Variants in BMP6 observed in about 807,000 individuals in gnomAD.
BMP6 encodes bone morphogenetic protein 6.
A neutral mutation model predicts 54.1 loss-of-function variants in BMP6; 17 were observed. That is an observed-to-expected ratio of 0.31 (90% CI 0.22 to 0.47). The LOEUF (loss-of-function observed/expected upper bound fraction) is 0.47. Among genes scored for constraint, BMP6 ranks in the 20% least tolerant of loss-of-function variants. BMP6 has a pLI of 1.00. For synonymous variants in BMP6, 328 were observed against 291.2 expected (o/e 1.13, Z -1.28); for missense variants, 720 against 690.4 (o/e 1.04, Z -0.48).
chr6:7,810,907 G>C (rs893469178), intron 1 of BMP6, among the ~76,000 whole-genome samples: 5 of 152,150 alleles, frequency 3.3e-5, no homozygotes, highest in Non-Finnish European at 1.5e-5. Flanking sequence ...TGACAACAGT[G>C]GAGTCAGTTG....
chr6:7,803,977 T>C (rs1758310049), intron 1 of BMP6, among the ~76,000 whole-genome samples: 2 of 152,222 alleles, frequency 1.3e-5, no homozygotes, highest in African/African-American at 2.4e-5. Context: ...TAGGAGCACA[T>C]GGTCCCCCTT....
At chr6:7,843,307 G>A (rs1396406522) in intron 1 of BMP6, among the ~76,000 whole-genome samples, 1 of 151,566 alleles carries the variant, frequency 6.6e-6, no homozygotes, top group Non-Finnish European at 1.5e-5. Flanking sequence ...AATGTGTTGT[G>A]TAATTACATG....
chr6:7,726,813 G>C lies in BMP6; in HGVS notation c.-143G>C. The C allele has an allele frequency of 1.4e-5, 5 of 369,484 alleles. No individual in the cohort carries two copies. The highest frequency in any genetic ancestry group is 1.6e-5 in the Non-Finnish European group (4 of 255,820). 22.9% of individuals were successfully genotyped at this position (369,484 alleles called of 1,614,324 possible). On this transcript the variant is annotated 5_prime_UTR_variant, in exon 1 of 7. Transcript: ENST00000283147. ...CGCCCCGGACGACCATGAGAGATAAGGACTGAGGGCCAGGAAGGGGAAGCG... is the reference window on the plus strand; with the variant it reads ...CGCCCCGGACGACCATGAGAGATAACGACTGAGGGCCAGGAAGGGGAAGCG...
intron 1 of BMP6, among the ~76,000 whole-genome samples, chr6:7,836,812 C>T (rs1226934258): frequency 1.3e-5 from 2 of 152,168 alleles, no homozygotes; most frequent in East Asian, 1.9e-4. Context: ...AAGTTTAGCT[C>T]AGTCTTTGTA....
In BMP6 at chr6:7,772,970, G is replaced by A. The variant is rs78822548; in HGVS notation, c.664+45351G>A. On this transcript the variant is annotated intron_variant, in intron 1 of 6. Coordinates refer to ENST00000283147, the MANE Select transcript of BMP6 (RefSeq NM_001718.6). ...TTTGTCTTAATTGAGTTCATTAGGC[G>A]TTGATTTTAAAATGCAATTTTCTGA... Among the ~76,000 whole-genome samples, 1,312 of 152,242 alleles carry A rather than the reference G, an allele frequency of 8.6e-3. 5 individuals are homozygous for A. Among genetic ancestry groups the A allele is most frequent in the Middle Eastern group, 0.037 (11 of 294 alleles).
At chr6:7,795,143 C>T (rs1758173696) in intron 1 of BMP6, among the ~76,000 whole-genome samples, 1 of 152,174 alleles carries the variant, frequency 6.6e-6, no homozygotes, top group African/African-American at 2.4e-5. Flanking sequence ...CTGGGTTTTA[C>T]AGACATAAAG....
chr6:7,800,720 T>C (rs1203457192), intron 1 of BMP6, among the ~76,000 whole-genome samples: 2 of 152,244 alleles, frequency 1.3e-5, no homozygotes, highest in Non-Finnish European at 2.9e-5. Context: ...TATTTCCATA[T>C]GCAGGAGCAT....
intron 1 of BMP6, among the ~76,000 whole-genome samples, chr6:7,783,726 C>T (rs1027030493): frequency 2.6e-5 from 4 of 152,228 alleles, no homozygotes; most frequent in African/African-American, 9.6e-5. Flanking sequence ...GCCTGATGAC[C>T]TCAATACTCC....
chr6:7,764,952 A>G (rs1757664033), intron 1 of BMP6, among the ~76,000 whole-genome samples: 1 of 152,166 alleles, frequency 6.6e-6, no homozygotes, highest in South Asian at 2.1e-4. Flanking sequence ...CTTCATTTAT[A>G]TAATAGACAT....
chr6:7,834,277 C>T (rs182543709), intron 1 of BMP6, among the ~76,000 whole-genome samples: 3 of 143,330 alleles, frequency 2.1e-5, no homozygotes, highest in Non-Finnish European at 4.5e-5. Flanking sequence ...AATCAAAAAT[C>T]TTCAAACACA....
In BMP6 at chr6:7,726,856, C is replaced by G. The variant is rs1465006868; in HGVS notation, c.-100C>G. On this transcript the variant is annotated 5_prime_UTR_variant, in exon 1 of 7. Transcript: ENST00000283147. ...GGGAAGCGAGCCCGCCGAGAGGTGG[C>G]GGGGACTGCTCACGCCAAGGGCCAC... 9.9e-6 allele frequency: 7 copies of G among 707,818 alleles called. No individual in the cohort carries two copies. The highest frequency in any genetic ancestry group is 3.8e-5 in the African/African-American group (2 of 52,136). The allele number at this position is 707,818 out of a possible 1,614,324, so 43.8% of individuals were successfully genotyped here.
chr6:7,814,570 TAAC>T (rs1460234527), intron 1 of BMP6, among the ~76,000 whole-genome samples: 1 of 152,220 alleles, frequency 6.6e-6, no homozygotes, highest in African/African-American at 2.4e-5. Context: ...TCTTCACTAA[TAAC>T]TGTAGGAAGT....
In BMP6 at chr6:7,726,877, G is replaced by A. The variant is rs1581220356; in HGVS notation, c.-79G>A. 3.2e-6 allele frequency: 3 copies of A among 934,584 alleles called. No individual in the cohort carries two copies. Among genetic ancestry groups the A allele is most frequent in the South Asian group, 5.0e-5 (1 of 19,908 alleles). 57.9% of individuals were successfully genotyped at this position (934,584 alleles called of 1,614,324 possible). On this transcript the variant is annotated 5_prime_UTR_variant, in exon 1 of 7. Transcript: ENST00000283147. Reference sequence around the variant, plus strand: ...GTGGCGGGGACTGCTCACGCCAAGGGCCACAGCGGCCGCGCTCCGGCCTCG... The same window carrying A: ...GTGGCGGGGACTGCTCACGCCAAGGACCACAGCGGCCGCGCTCCGGCCTCG...
rs1758871646 is a variant in BMP6, at chr6:7,836,120, G to A, written c.665-9020G>A. On this transcript the variant is annotated intron_variant, in intron 1 of 6. Transcript: ENST00000283147. ...CCCAAAGTGCTGGAATTACCCGTGT[G>A]AGCCACTGCGCCCGGCCTATCTCCC... is the stretch of plus-strand genomic sequence containing the variant. Among the ~76,000 whole-genome samples the A allele has an allele frequency of 2.0e-5, 3 of 152,062 alleles. No homozygotes were observed. The South Asian group carries it at 6.2e-4, about 32-fold the overall frequency.
intron 1 of BMP6, among the ~76,000 whole-genome samples, chr6:7,768,650 TG>T (rs1461555495): frequency 6.6e-6 from 1 of 152,226 alleles, no homozygotes; most frequent in Non-Finnish European, 1.5e-5. Context: ...GTGGTTCCTC[TG>T]AAAAAAAGTC....
intron 1 of BMP6, among the ~76,000 whole-genome samples, chr6:7,816,851 G>A (rs939975523): frequency 6.6e-6 from 1 of 151,810 alleles, no homozygotes; most frequent in Non-Finnish European, 1.5e-5. Flanking sequence ...AGAATGCTAC[G>A]TAGGCAGAAG....
At chr6:7,806,662 T>C (rs1455997271) in intron 1 of BMP6, among the ~76,000 whole-genome samples, 1 of 151,070 alleles carries the variant, frequency 6.6e-6, no homozygotes, top group African/African-American at 2.4e-5. Flanking sequence ...AGAGATTTCT[T>C]TTTTTTTTAG....
chr6:7,777,544 G>T (rs1757879460), intron 1 of BMP6, among the ~76,000 whole-genome samples: 1 of 152,188 alleles, frequency 6.6e-6, no homozygotes, highest in East Asian at 1.9e-4. Flanking sequence ...GGCCAGTTGG[G>T]TAAGAAGGAA....
At chr6:7,774,117 G>A (rs1757828199) in intron 1 of BMP6, among the ~76,000 whole-genome samples, 1 of 152,166 alleles carries the variant, frequency 6.6e-6, no homozygotes, top group African/African-American at 2.4e-5. Context: ...GGTCTTAGAG[G>A]CTAGAATAAG....
Sources: gnomAD v4.1 joint callset for allele counts (sites outside exome capture counted in the v4.1 genomes callset) on GRCh38, gnomAD v4.1.1 for gene constraint, MANE v1.5 for transcripts, NCBI Gene and HGNC (gene_info 2026-07-23, HGNC 2026-07-21) for gene names.